The following USP24 variants were observed in gnomAD, a reference collection of about 807,000 sequenced individuals.
USP24 encodes ubiquitin specific peptidase 24, also known as ubiquitin carboxyl-terminal hydrolase 24.
USP24 carries 97 observed loss-of-function variants against 361.6 expected under a neutral mutation model. That is an observed-to-expected ratio of 0.27 (90% CI 0.23 to 0.32). The LOEUF (loss-of-function observed/expected upper bound fraction) is 0.32, where lower values mean the gene tolerates loss of function less well. Among genes scored for constraint, USP24 ranks in the 10% least tolerant of loss-of-function variants. The probability of loss-of-function intolerance (pLI) is 1.00; values close to 1 mark genes in which losing one functional copy is unlikely to be tolerated. For synonymous variants in USP24, 1,098 were observed against 1,124.6 expected (o/e 0.98, Z 0.47); for missense variants, 2,353 against 3,165.6 (o/e 0.74, Z 6.16).
intron 5 of USP24, among the ~76,000 whole-genome samples, chr1:55,170,101 G>T (rs1208547078): frequency 1.3e-5 from 2 of 152,054 alleles, no homozygotes; most frequent in African/African-American, 2.4e-5. Flanking sequence ...CATACAGAGG[G>T]ATATGATATT....
At chr1:55,189,936 G>A (rs1413247370) in intron 1 of USP24, among the ~76,000 whole-genome samples, 10 of 151,942 alleles carry the variant, frequency 6.6e-5, no homozygotes, top group Non-Finnish European at 1.5e-5. Context: ...GGGAGGCTGA[G>A]GGAGGATCAC....
chr1:55,175,842 C>G (rs1649927751), intron 3 of USP24, among the ~76,000 whole-genome samples: 1 of 152,188 alleles, frequency 6.6e-6, no homozygotes, highest in Admixed American at 6.5e-5. Flanking sequence ...ACACTGCTTT[C>G]TAAGAGATGT....
In USP24 at chr1:55,123,854, C is replaced by A. The variant is rs539353442; in HGVS notation, c.4121-252G>T. The stretch of plus-strand genomic sequence containing the variant: ...TTTCAGGCGATAGAAGTGAAAATAG[C>A]GCAATTTTGTGGGCATGAGGGAGCC... On this transcript the variant is annotated intron_variant, in intron 35 of 67. Coordinates refer to ENST00000294383, the MANE Select transcript of USP24 (RefSeq NM_015306.3). 3.9e-5 allele frequency among the ~76,000 whole-genome samples: 6 copies of A among 152,138 alleles called. No homozygotes were observed. In the South Asian group the frequency reaches 1.2e-3, roughly 31 times the overall value.
intron 1 of USP24, among the ~76,000 whole-genome samples, chr1:55,180,388 C>A (rs570395237): frequency 6.6e-6 from 1 of 152,238 alleles, no homozygotes; most frequent in African/African-American, 2.4e-5. Context: ...ATGCAGAGGG[C>A]CCGTATGGTT....
chr1:55,071,810 A>C lies in USP24; in HGVS notation c.7800+4T>G, dbSNP rs747796078. Reference sequence around the variant, plus strand: ...TGCACACAAGGACATGCTGACCGTTATACCTGCTGTAGATGCCTGTCTCCG... The same window carrying C: ...TGCACACAAGGACATGCTGACCGTTCTACCTGCTGTAGATGCCTGTCTCCG... On this transcript the variant is annotated splice_donor_region_variant and intron_variant, in intron 67 of 67. Transcript: ENST00000294383. The C allele has an allele frequency of 3.7e-6, 6 of 1,610,718 alleles. No homozygotes were observed. The highest frequency in any genetic ancestry group is 5.1e-6 in the Non-Finnish European group (6 of 1,178,418).
At chr1:55,144,705 C>G (rs1415016052) in intron 20 of USP24, among the ~76,000 whole-genome samples, 2 of 152,142 alleles carry the variant, frequency 1.3e-5, no homozygotes, top group African/African-American at 4.8e-5. Flanking sequence ...GAGGCTGAAG[C>G]AGGAGGATCA....
chr1:55,141,580 A>T, intron 24 of USP24, 36 bp downstream of exon 24: 2 of 1,527,946 alleles, frequency 1.3e-6, no homozygotes, highest in Non-Finnish European at 1.8e-6. Context: ...AAACTGACAT[A>T]TGTGTGTTGT....
rs371269926 is a variant in USP24 at position 55,072,871 on chromosome 1, G to A, written c.7527-10C>T. 2.8e-5 allele frequency: 44 copies of A among 1,598,568 alleles called. No homozygotes were observed. Among genetic ancestry groups the A allele is most frequent in the African/African-American group, 2.3e-4 (17 of 74,688 alleles). On this transcript the variant is annotated splice_polypyrimidine_tract_variant and intron_variant, in intron 64 of 67. Coordinates refer to ENST00000294383, the MANE Select transcript of USP24 (RefSeq NM_015306.3). Reference sequence around the variant, plus strand: ...CTTAGCTGCAGGACACCTGATGACCGAGGAGATTTTTATTAGCCAAATTCT... The same window carrying A: ...CTTAGCTGCAGGACACCTGATGACCAAGGAGATTTTTATTAGCCAAATTCT...
intron 66 of USP24, 39 bp downstream of exon 66, chr1:55,072,278 A>T: frequency 6.4e-7 from 1 of 1,565,364 alleles, no homozygotes; most frequent in East Asian, 2.2e-5. Flanking sequence ...ATCCTCCATA[A>T]GTGATTTAGA....
chr1:55,115,601 C>G (rs1466715925), intron 38 of USP24, among the ~76,000 whole-genome samples: 2 of 149,566 alleles, frequency 1.3e-5, no homozygotes, highest in Non-Finnish European at 3.0e-5. Flanking sequence ...ATTGTGGAGA[C>G]AGTGTGGCAA....
intron 58 of USP24, among the ~76,000 whole-genome samples, chr1:55,081,849 C>G (rs764800491): frequency 2.0e-5 from 3 of 152,110 alleles, no homozygotes; most frequent in Admixed American, 1.3e-4. Flanking sequence ...ATTTTGAGGA[C>G]TAAATGAAAT....
At chr1:55,147,334 C>G (rs1028544690) in intron 18 of USP24, among the ~76,000 whole-genome samples, 1 of 152,036 alleles carries the variant, frequency 6.6e-6, no homozygotes, top group Admixed American at 6.5e-5. Flanking sequence ...AAACTCACAA[C>G]TGGTGAGTTA....
chr1:55,133,921 CT>C, intron 30 of USP24, 148 bp downstream of exon 30: 1 of 770,184 alleles, frequency 1.3e-6, no homozygotes. Context: ...GCGTGAGCCA[CT>C]GCACTGGGCT....
intron 1 of USP24, among the ~76,000 whole-genome samples, chr1:55,186,819 T>C (rs1415526210): frequency 1.3e-5 from 2 of 152,238 alleles, no homozygotes; most frequent in South Asian, 2.1e-4. Flanking sequence ...CTGGGGAAGA[T>C]GAAGTAGTTC....
At position 55,143,196 on chromosome 1, in the gene USP24, T is replaced by C. The variant is rs1401144630; in HGVS notation, c.2440-77A>G. The C allele has an allele frequency of 3.5e-6, 4 of 1,150,328 alleles. No homozygotes were observed. The African/African-American group carries it at 6.5e-5, about 19-fold the overall frequency. 71.3% of individuals were successfully genotyped at this position (1,150,328 alleles called of 1,614,324 possible). A position where few individuals can be genotyped will look rare whatever the true frequency, so the allele number is the denominator to read the frequency against. ...TACAAAATCACAGATAATTATTTTG[T>C]TACATCATGAGTCCACACCTCTTCA... is the stretch of plus-strand genomic sequence containing the variant. On this transcript the variant is annotated intron_variant, in intron 21 of 67. Transcript: ENST00000294383.
chr1:55,168,307 G>A (rs1031936618), intron 5 of USP24, among the ~76,000 whole-genome samples: 2 of 151,960 alleles, frequency 1.3e-5, no homozygotes, highest in Non-Finnish European at 2.9e-5. Context: ...GGAATGCCCT[G>A]AAAAGTTAGT....
chr1:55,106,843 A>G (rs988834030), intron 40 of USP24, among the ~76,000 whole-genome samples: 1 of 152,164 alleles, frequency 6.6e-6, no homozygotes, highest in Non-Finnish European at 1.5e-5. Flanking sequence ...GGAGAATCTC[A>G]TATGTACCCC....
intron 30 of USP24, 28 bp downstream of exon 30, chr1:55,134,042 T>C (rs1646666950): frequency 3.8e-6 from 6 of 1,571,068 alleles, no homozygotes; most frequent in African/African-American, 1.3e-5. Context: ...GATATAAAAT[T>C]GCCATGCTAG....
chr1:55,086,963 C>T (rs17111592), intron 55 of USP24, among the ~76,000 whole-genome samples: 8,353 of 152,112 alleles, frequency 0.055, 639 homozygotes, highest in African/African-American at 0.17. Flanking sequence ...TGTTAGTAGT[C>T]TGAATTCTTT....
Sources: gnomAD v4.1 joint callset for allele counts (sites outside exome capture counted in the v4.1 genomes callset) on GRCh38, gnomAD v4.1.1 for gene constraint, MANE v1.5 for transcripts, NCBI Gene and HGNC (gene_info 2026-07-23, HGNC 2026-07-21) for gene names.